FANCA: variants seen among roughly 807,000 people sequenced by gnomAD.
FANCA encodes Fanconi anemia group A protein.
In FANCA, 236 loss-of-function variants were observed where a neutral mutation model predicts 194.3. The observed-to-expected ratio is 1.21, with a 90% CI of 1.09 to 1.35. FANCA has a LOEUF of 1.35. Among genes scored for constraint, FANCA ranks in the 40% most tolerant of loss-of-function variants. The probability of loss-of-function intolerance (pLI) is 0.00; values close to 1 mark genes in which losing one functional copy is unlikely to be tolerated. For synonymous variants in FANCA, 1,014 were observed against 715.8 expected (o/e 1.42, Z -6.65); for missense variants, 2,628 against 1,813.9 (o/e 1.45, Z -8.15).
intron 35 of FANCA, 103 bp from the exon 36 acceptor site, chr16:89,745,174 GC>G: frequency 9.6e-7 from 1 of 1,042,852 alleles, no homozygotes; most frequent in Non-Finnish European, 1.4e-6. Context: ...GCCACTACAG[GC>G]CCACACTCGC....
In FANCA at chr16:89,767,127, AAG is replaced by A; in HGVS notation, c.2601+12_2601+13del. 6.3e-7 allele frequency: 1 copy of A among 1,592,666 alleles called. No individual in the cohort carries two copies. The highest frequency in any genetic ancestry group is 1.7e-4 in the Middle Eastern group (1 of 6,022). ...GTATGGCAGAATGGAAAAATAGGAAAAGAGTGAACCTACCTTTTTAATAAGGC... is the reference window on the plus strand; with the variant it reads ...GTATGGCAGAATGGAAAAATAGGAAAAGTGAACCTACCTTTTTAATAAGGC... On this transcript the variant is annotated intron_variant, in intron 27 of 42. Transcript: ENST00000389301.
In FANCA at chr16:89,738,886, G is replaced by A. The variant is rs751059431; in HGVS notation, c.4256C>T (p.Ala1419Val). ...AGGTGGGCATCTTGACGTTACCTCT[G>A]CCACGTGTGAGAAGCTCTTTTTCGG... ...RCPKKSFSHV[A>V]ELLADRGDCD... Residue 1419 changes from alanine (A) to valine (V), a missense_variant, in exon 42 of 43, where the codon GCA becomes GTA. Transcript: ENST00000389301. 6.2e-7 allele frequency: 1 copy of A among 1,614,250 alleles called. No homozygotes were observed. Among genetic ancestry groups the A allele is most frequent in the Non-Finnish European group, 8.5e-7 (1 of 1,180,052 alleles).
rs919500534 is a variant in FANCA, at chr16:89,805,526, A to G, written c.597-134T>C. The G allele has an allele frequency of 5.9e-6, 4 of 676,490 alleles. No homozygotes were observed. In the South Asian group the frequency reaches 6.0e-5, roughly 10 times the overall value. The allele number at this position is 676,490 out of a possible 1,614,324, so 41.9% of individuals were successfully genotyped here. ...ACTGAGGCTGGAGTGCAGTGGCGCA[A>G]TCAGTCACTGCACCCTCGACCTCCC... On this transcript the variant is annotated intron_variant, in intron 6 of 42. Transcript: ENST00000389301.
chr16:89,749,550 T>G (rs1174228333), intron 32 of FANCA, among the ~76,000 whole-genome samples, 180 bp downstream of exon 32: 1 of 152,214 alleles, frequency 6.6e-6, no homozygotes, highest in African/African-American at 2.4e-5. Flanking sequence ...CAAAAGTACT[T>G]TCAACCCTCC....
At chr16:89,766,273 G>C (rs553903261) in intron 27 of FANCA, among the ~76,000 whole-genome samples, 1 of 151,856 alleles carries the variant, frequency 6.6e-6, no homozygotes, top group African/African-American at 2.4e-5. Flanking sequence ...GGGATTACAG[G>C]CATGAGCCAC....
At position 89,751,044 on chromosome 16, in the gene FANCA, A is replaced by G. The variant is rs150164003; in HGVS notation, c.3066+1094T>C. On this transcript the variant is annotated intron_variant, in intron 31 of 42. Coordinates refer to ENST00000389301, the MANE Select transcript of FANCA (RefSeq NM_000135.4). ...GTAGCTGGGACTATAGGTACACACC[A>G]CCATGCTTGACTAGTGTTTTGTATT... 2.2e-3 allele frequency among the ~76,000 whole-genome samples: 338 copies of G among 152,124 alleles called. 4 individuals carry two copies. The highest frequency in any genetic ancestry group is 7.5e-3 in the African/African-American group (313 of 41,506).
chr16:89,746,404 G>A (rs2038391216), intron 35 of FANCA, among the ~76,000 whole-genome samples, 180 bp downstream of exon 35: 1 of 152,118 alleles, frequency 6.6e-6, no homozygotes, highest in Admixed American at 6.5e-5. Context: ...GGGAACTCAG[G>A]ATGTGCGGCC....
intron 21 of FANCA, 57 bp downstream of exon 21, chr16:89,775,685 G>C (rs1055748870): frequency 4.2e-6 from 6 of 1,426,720 alleles, no homozygotes; most frequent in Non-Finnish European, 5.9e-6. Flanking sequence ...AGACACTCAA[G>C]GTTAGGAAAA....
intron 38 of FANCA, 150 bp downstream of exon 38, chr16:89,740,654 A>AAC: frequency 1.5e-6 from 1 of 650,382 alleles, no homozygotes. Context: ...AAAAAAAAAA[A>AAC]CCCACGGCCT....
chr16:89,756,877 C>T (rs941566390), intron 30 of FANCA, among the ~76,000 whole-genome samples: 4 of 152,178 alleles, frequency 2.6e-5, no homozygotes, highest in Non-Finnish European at 5.9e-5. Flanking sequence ...CACTGTTACC[C>T]CCAGGCAGGG....
intron 10 of FANCA, among the ~76,000 whole-genome samples, chr16:89,796,695 A>T (rs1003818868): frequency 6.6e-6 from 1 of 152,178 alleles, no homozygotes; most frequent in African/African-American, 2.4e-5. Context: ...TGCAACCAGC[A>T]AGCGGCACTT....
chr16:89,764,898 C>T lies in FANCA; in HGVS notation c.2770G>A (p.Asp924Asn). The T allele has an allele frequency of 6.2e-7, 1 of 1,614,036 alleles. No individual in the cohort carries two copies. Among genetic ancestry groups the T allele is most frequent in the Non-Finnish European group, 8.5e-7 (1 of 1,179,938 alleles). ...RTFREVLKEE[D>N]VHLTYQDWLH... is the part of the protein sequence containing the mutation. ...AAGGAACGGTCACCTACGTGAACAT[C>T]TTCCTCTTTCAACACCTCTCGGAAG... The change falls in exon 28 of 43, where the codon GAT becomes AAT. Residue 924 changes from aspartate to asparagine, a missense_variant. Asp to Asn is a conservative substitution (Grantham distance 23, BLOSUM62 1). Transcript: ENST00000389301.
chr16:89,771,550 G>C (rs1054882393), intron 23 of FANCA, 128 bp downstream of exon 23: 14 of 1,091,946 alleles, frequency 1.3e-5, no homozygotes, highest in Middle Eastern at 2.5e-4. Flanking sequence ...GCCTGGCCCT[G>C]GAACATCTGA....
At position 89,749,867 on chromosome 16, in the gene FANCA, G is replaced by C; in HGVS notation, c.3102C>G (p.Leu1034=). 1 of 1,614,230 alleles carries C rather than the reference G, an allele frequency of 6.2e-7. No homozygotes were observed. The highest frequency in any genetic ancestry group is 8.5e-7 in the Non-Finnish European group (1 of 1,180,044). Residue 1034 remains leucine (L), a synonymous_variant, in exon 32 of 43, where the codon CTC becomes CTG. Coordinates refer to ENST00000389301, the MANE Select transcript of FANCA (RefSeq NM_000135.4). ...AAGGGGTGTGGCCGAGAGGCACTAT[G>C]AGGTCTTGCTGCAGCTCCAGGTCAG... ...MVADLELQQD[L]IVPLGHTPSQ... is the part of the protein sequence containing the mutation.
At chr16:89,785,851 G>GGGTTTTT (rs2039875719) in intron 14 of FANCA, among the ~76,000 whole-genome samples, 1 of 91,706 alleles carries the variant, frequency 1.1e-5, no homozygotes, top group Non-Finnish European at 1.9e-5. Context: ...GTGCAAAATT[G>GGGTTTTT]TGTTTTGTTT....
chr16:89,740,783 G>A (rs538229436), intron 38 of FANCA, 21 bp downstream of exon 38: 26 of 1,610,734 alleles, frequency 1.6e-5, no homozygotes, highest in South Asian at 6.6e-5. Flanking sequence ...AGGACACCTT[G>A]GCTGGTAAGG....
rs781666183 is a variant in FANCA at position 89,737,829 on chromosome 16, G to A, written c.*772C>T. The A allele has an allele frequency of 2.5e-6, 4 of 1,614,056 alleles. No homozygotes were observed. Among genetic ancestry groups the A allele is most frequent in the Admixed American group, 1.7e-5 (1 of 59,988 alleles). ...AGAGGTGCGGAACTATATCTGTGAC[G>A]AATGTGGACAAACCTTCAAGCAGCG... On this transcript the variant is annotated 3_prime_UTR_variant, in exon 43 of 43. Coordinates refer to ENST00000389301, the MANE Select transcript of FANCA (RefSeq NM_000135.4).
intron 37 of FANCA, among the ~76,000 whole-genome samples, chr16:89,741,478 G>A (rs879410997): frequency 3.9e-5 from 6 of 152,198 alleles, no homozygotes; most frequent in African/African-American, 7.2e-5. Context: ...TGCGGATCTC[G>A]GGCTGGGCAC....
At chr16:89,811,566 C>T (rs1224627394) in intron 3 of FANCA, among the ~76,000 whole-genome samples, 1 of 152,138 alleles carries the variant, frequency 6.6e-6, no homozygotes, top group East Asian at 1.9e-4. Flanking sequence ...GCTCAGTCCG[C>T]AGGCCACCAA....
Sources: gnomAD v4.1 joint callset for allele counts (sites outside exome capture counted in the v4.1 genomes callset) on GRCh38, gnomAD v4.1.1 for gene constraint, MANE v1.5 for transcripts, NCBI Gene and HGNC (gene_info 2026-07-23, HGNC 2026-07-21) for gene names.